Variants in ABLIM2 observed in about 807,000 individuals in gnomAD.
The protein encoded by ABLIM2 is actin-binding LIM protein 2.
ABLIM2 carries 53 observed loss-of-function variants against 97.7 expected under a neutral mutation model. The ratio of observed to expected loss-of-function variants is 0.54; its 90% CI spans 0.44 to 0.68. ABLIM2 has a LOEUF of 0.68. Ranked by LOEUF, ABLIM2 falls within the 30% of genes least tolerant of loss-of-function variation. ABLIM2 has a pLI of 0.00. For synonymous variants in ABLIM2, 361 were observed against 345.8 expected (o/e 1.04, Z -0.49); for missense variants, 835 against 867.2 (o/e 0.96, Z 0.47).
At chr4:8,039,543 T>C (rs997893336) in intron 9 of ABLIM2, among the ~76,000 whole-genome samples, 1 of 152,226 alleles carries the variant, frequency 6.6e-6, no homozygotes, top group Non-Finnish European at 1.5e-5. Context: ...GCGGAAGGTC[T>C]CTGGAGTGTG....
chr4:8,094,487 C>T (rs972743150), intron 3 of ABLIM2, among the ~76,000 whole-genome samples: 10 of 152,162 alleles, frequency 6.6e-5, no homozygotes, highest in East Asian at 1.9e-4. Context: ...CGTGATCGAT[C>T]GAGCAAGCAG....
chr4:8,103,761 A>C lies in ABLIM2; in HGVS notation c.154+2733T>G, dbSNP rs73796883. On this transcript the variant is annotated intron_variant, in intron 2 of 20. Coordinates refer to ENST00000447017, the MANE Select transcript of ABLIM2 (RefSeq NM_001130083.2). ...CCTGCCCAGGTGACAGAGGAGGGGG[A>C]CCCGGGGCAGTTTCCGCCAGCTATG... 3.6e-3 allele frequency among the ~76,000 whole-genome samples: 554 copies of C among 152,120 alleles called. 4 individuals carry two copies. The highest frequency in any genetic ancestry group is 0.013 in the African/African-American group (531 of 41,488).
In ABLIM2 at chr4:8,070,323, G is replaced by A. The variant is rs547957893; in HGVS notation, c.675+7305C>T. On this transcript the variant is annotated intron_variant, in intron 6 of 20. Coordinates refer to ENST00000447017, the MANE Select transcript of ABLIM2 (RefSeq NM_001130083.2). ...TGTCTGTGGATGTGTGTATCTGCAC[G>A]TGTGCAAAATCTGAAAGGATGACTT... Among the ~76,000 whole-genome samples, 20 of 151,800 alleles carry A rather than the reference G, an allele frequency of 1.3e-4. No individual in the cohort carries two copies. In the South Asian group the frequency reaches 4.0e-3, roughly 30 times the overall value.
At chr4:8,086,914 G>A (rs1357993535) in intron 4 of ABLIM2, among the ~76,000 whole-genome samples, 1 of 151,756 alleles carries the variant, frequency 6.6e-6, no homozygotes, top group East Asian at 1.9e-4. Context: ...CGGAAGCAGC[G>A]CCCTCCCGAC....
intron 12 of ABLIM2, 58 bp from the exon 13 acceptor site, chr4:8,020,361 A>C: frequency 6.9e-7 from 1 of 1,457,822 alleles, no homozygotes; most frequent in Non-Finnish European, 9.5e-7. Flanking sequence ...GCAAAGTAGA[A>C]TATTTCAAGC....
chr4:8,025,674 A>G (rs1283988861), intron 12 of ABLIM2, among the ~76,000 whole-genome samples: 1 of 152,118 alleles, frequency 6.6e-6, no homozygotes, highest in Non-Finnish European at 1.5e-5. Flanking sequence ...CTCTGGCTCT[A>G]GGACCCACAG....
rs377456373 is a variant in ABLIM2, at chr4:8,013,454, C to T, written c.1424-4352G>A. ...GGTCAGGCTGGTCTTGAACTCCTGA[C>T]CTCAAATGATCCACCTGCCTCAGCC... On this transcript the variant is annotated intron_variant, in intron 14 of 20. Coordinates refer to ENST00000447017, the MANE Select transcript of ABLIM2 (RefSeq NM_001130083.2). 1.6e-4 allele frequency among the ~76,000 whole-genome samples: 24 copies of T among 152,232 alleles called. 1 individual carries two copies. The East Asian group carries it at 4.4e-3, about 28-fold the overall frequency.
chr4:8,054,368 A>G lies in ABLIM2; in HGVS notation c.764-122T>C. The G allele has an allele frequency of 9.6e-7, 1 of 1,046,344 alleles. No individual in the cohort carries two copies. Among genetic ancestry groups the G allele is most frequent in the South Asian group, 1.4e-5 (1 of 70,644 alleles). The allele number at this position is 1,046,344 out of a possible 1,614,324, so 64.8% of individuals were successfully genotyped here. On this transcript the variant is annotated intron_variant, in intron 7 of 20. Coordinates refer to ENST00000447017, the MANE Select transcript of ABLIM2 (RefSeq NM_001130083.2). This position sits in a 1 kb window ranked among gnomAD's most constrained non-coding sequence, Gnocchi z 4.9. ...GACGTGCACTCGGACTCCACCCTCC[A>G]AGCGGCCCTGAGCATCCTCTCTGTG...
At position 8,107,110 on chromosome 4, in the gene ABLIM2, G is replaced by T. The variant is rs556357447; in HGVS notation, c.11-473C>A. Among the ~76,000 whole-genome samples the T allele has an allele frequency of 1.3e-4, 20 of 152,358 alleles. No individual in the cohort carries two copies. The East Asian group carries it at 2.5e-3, about 19-fold the overall frequency. On this transcript the variant is annotated intron_variant, in intron 1 of 20. Coordinates refer to ENST00000447017, the MANE Select transcript of ABLIM2 (RefSeq NM_001130083.2). ...TCTCTTCTGCCAGTACAGCAGCCAC[G>T]GTCCTCAGGGGAGCTCACTTCAAAT...
chr4:8,017,273 T>A (rs942572105), intron 14 of ABLIM2, among the ~76,000 whole-genome samples: 17 of 151,876 alleles, frequency 1.1e-4, no homozygotes, highest in African/African-American at 3.1e-4. Flanking sequence ...GTGTTCCTAA[T>A]TCCCTATTTA....
chr4:8,112,939 G>T lies in ABLIM2; in HGVS notation c.11-6302C>A, dbSNP rs1421368092. Among the ~76,000 whole-genome samples the T allele has an allele frequency of 6.6e-6, 1 of 152,162 alleles. No individual in the cohort carries two copies. The highest frequency in any genetic ancestry group is 2.4e-5 in the African/African-American group (1 of 41,418). On this transcript the variant is annotated intron_variant, in intron 1 of 20. Transcript: ENST00000447017. The surrounding 1 kb of genome is among the most constrained non-coding windows in gnomAD (Gnocchi z 4.2). ...GCACTGTCAGGTACTGGGGAGAGAGGTGTGCCATTCAGCACCACACCAGCG... is the reference window on the plus strand; with the variant it reads ...GCACTGTCAGGTACTGGGGAGAGAGTTGTGCCATTCAGCACCACACCAGCG...
At chr4:8,133,597 G>C (rs1357027229) in intron 1 of ABLIM2, among the ~76,000 whole-genome samples, 1 of 152,144 alleles carries the variant, frequency 6.6e-6, no homozygotes, top group African/African-American at 2.4e-5. Context: ...TTTCGGATCT[G>C]AAGATCCCAG....
intron 5 of ABLIM2, 130 bp downstream of exon 5, chr4:8,080,546 C>T (rs1275554132): frequency 1.0e-5 from 11 of 1,068,290 alleles, no homozygotes; most frequent in Non-Finnish European, 1.4e-5. Flanking sequence ...AGCAGCAGGG[C>T]AGTAGTAGCT....
chr4:8,020,401 C>G, intron 12 of ABLIM2, 98 bp from the exon 13 acceptor site: 2 of 1,095,960 alleles, frequency 1.8e-6, no homozygotes, highest in Admixed American at 4.0e-5. Flanking sequence ...CGAGCCCCAT[C>G]TCTCCTGTCT....
chr4:7,987,045 C>T (rs555141680), intron 17 of ABLIM2, among the ~76,000 whole-genome samples: 28 of 150,102 alleles, frequency 1.9e-4, no homozygotes, highest in South Asian at 1.0e-3. Context: ...TGCAGTGGCA[C>T]GATCTCAGCT....
At chr4:8,073,959 C>T (rs935330645) in intron 6 of ABLIM2, among the ~76,000 whole-genome samples, 11 of 151,852 alleles carry the variant, frequency 7.2e-5, no homozygotes, top group East Asian at 1.9e-4. Flanking sequence ...TGGTGGCTCA[C>T]GCCTGTAATC....
In ABLIM2 at chr4:8,080,718, C is replaced by T. The variant is rs1388352263; in HGVS notation, c.539G>A (p.Cys180Tyr). ...ATTCAGGAGCTTCCCACAGCTCTTG[C>T]ACTTAAAACAGCCCAAGTGCCAGTG... ...DKHWHLGCFK[C>Y]KSCGKLLNAE... Residue 180 changes from cysteine (C) to tyrosine (Y), a missense_variant, in exon 5 of 21, where the codon TGC becomes TAC. Transcript: ENST00000447017. 1 of 1,612,526 alleles carries T rather than the reference C, an allele frequency of 6.2e-7. No homozygotes were observed. Among genetic ancestry groups the T allele is most frequent in the South Asian group, 1.1e-5 (1 of 90,914 alleles).
Position 8,068,352 on chromosome 4 carries a change from C to A in ABLIM2, c.676-7298G>T, listed in dbSNP as rs1291704469. 1.3e-5 allele frequency among the ~76,000 whole-genome samples: 2 copies of A among 152,188 alleles called. No homozygotes were observed. The highest frequency in any genetic ancestry group is 6.5e-5 in the Admixed American group (1 of 15,284). On this transcript the variant is annotated intron_variant, in intron 6 of 20. Coordinates refer to ENST00000447017, the MANE Select transcript of ABLIM2 (RefSeq NM_001130083.2). This position sits in a 1 kb window ranked among gnomAD's most constrained non-coding sequence, Gnocchi z 4.5. ...GGCAGAACGAGGTGCCAGGGAAGCA[C>A]ACCCACAGCCTGTGGTGGCTCAGGG...
chr4:8,077,814 A>C, intron 5 of ABLIM2, 93 bp from the exon 6 acceptor site: 1 of 1,131,804 alleles, frequency 8.8e-7, no homozygotes, highest in East Asian at 2.6e-5. Flanking sequence ...CTGCCCTCAA[A>C]GTGGGGGAAT....
Sources: gnomAD v4.1 joint callset for allele counts (sites outside exome capture counted in the v4.1 genomes callset) on GRCh38, gnomAD v4.1.1 for gene constraint, Gnocchi (gnomAD v3.1) non-coding constraint, MANE v1.5 for transcripts, NCBI Gene and HGNC (gene_info 2026-07-23, HGNC 2026-07-21) for gene names.